Variants in KCNIP4 observed in about 807,000 individuals in gnomAD.
KCNIP4 encodes the protein Kv channel-interacting protein 4.
Under a neutral mutation model 34.0 loss-of-function variants are expected in KCNIP4, and 12 were observed. The ratio of observed to expected loss-of-function variants is 0.35; its 90% CI spans 0.23 to 0.57. The LOEUF (loss-of-function observed/expected upper bound fraction) is 0.57, where lower values mean the gene tolerates loss of function less well. KCNIP4 is among the 20% of genes least tolerant of loss of function. The pLI, the probability that KCNIP4 is intolerant of heterozygous loss-of-function variation, is 0.83. For missense variants in KCNIP4, 238 were observed against 311.7 expected (o/e 0.76, Z 1.78); for synonymous variants, 124 against 102.2 (o/e 1.21, Z -1.29).
chr4:20,789,934 T>C (rs1379268366), intron 3 of KCNIP4, among the ~76,000 whole-genome samples: 1 of 152,120 alleles, frequency 6.6e-6, no homozygotes, highest in African/African-American at 2.4e-5. Context: ...CGGGGTGCTA[T>C]TATAACTAAA....
chr4:21,184,416 A>T (rs1184128964), intron 1 of KCNIP4, among the ~76,000 whole-genome samples: 1 of 152,216 alleles, frequency 6.6e-6, no homozygotes, highest in African/African-American at 2.4e-5. Flanking sequence ...CAATACTTGA[A>T]TAAATGTTTT....
intron 1 of KCNIP4, among the ~76,000 whole-genome samples, chr4:21,219,731 T>G (rs1048172360): frequency 1.3e-5 from 2 of 152,026 alleles, no homozygotes; most frequent in African/African-American, 4.8e-5. Context: ...AGTGGGAAGG[T>G]GTTTGGTGGA....
Position 20,730,037 on chromosome 4 carries a change from G to GA in KCNIP4, c.*44dup, listed in dbSNP as rs745686674. On this transcript the variant is annotated 3_prime_UTR_variant, in exon 9 of 9. Coordinates refer to ENST00000382152, the MANE Select transcript of KCNIP4 (RefSeq NM_025221.6). ...GGTAGCTCCAACTTTAAGGGTGGTA[G>GA]AATAGTTCACATTTGTCTGTTGGAT... is the stretch of plus-strand genomic sequence containing the variant. 1.9e-6 allele frequency: 3 copies of GA among 1,585,486 alleles called. No homozygotes were observed. The East Asian group carries it at 6.8e-5, about 36-fold the overall frequency.
At chr4:21,928,735 T>G (rs1729403184) in intron 1 of KCNIP4, among the ~76,000 whole-genome samples, 1 of 152,066 alleles carries the variant, frequency 6.6e-6, no homozygotes, top group Admixed American at 6.6e-5. Context: ...TCTCAAATCC[T>G]AATCCCCCTT....
intron 1 of KCNIP4, among the ~76,000 whole-genome samples, chr4:21,451,612 G>A (rs1031648378): frequency 6.6e-6 from 1 of 152,102 alleles, no homozygotes; most frequent in Non-Finnish European, 1.5e-5. Flanking sequence ...GGTAACTGCT[G>A]TTTTTGTAGA....
intron 1 of KCNIP4, among the ~76,000 whole-genome samples, chr4:21,762,190 G>A (rs1469510273): frequency 2.0e-5 from 3 of 151,878 alleles, no homozygotes; most frequent in African/African-American, 7.2e-5. Flanking sequence ...AAAGAAACAG[G>A]TGAAATTAAA....
chr4:20,881,584 G>T (rs931862934), intron 2 of KCNIP4, among the ~76,000 whole-genome samples: 1 of 151,724 alleles, frequency 6.6e-6, no homozygotes, highest in Non-Finnish European at 1.5e-5. Context: ...AAGTTATATA[G>T]CATCTTTATA....
intron 1 of KCNIP4, among the ~76,000 whole-genome samples, chr4:21,505,231 C>T (rs929086934): frequency 6.6e-6 from 1 of 151,600 alleles, no homozygotes; most frequent in Admixed American, 6.6e-5. Flanking sequence ...GATTTTTCCC[C>T]CCATTGGATT....
intron 1 of KCNIP4, among the ~76,000 whole-genome samples, chr4:21,236,008 G>T (rs1759329892): frequency 6.6e-6 from 1 of 152,094 alleles, no homozygotes; most frequent in South Asian, 2.1e-4. Context: ...AAAAATAAAT[G>T]GCCTTGCTGG....
intron 1 of KCNIP4, among the ~76,000 whole-genome samples, chr4:20,969,787 T>A (rs79766102): frequency 7.8e-6 from 1 of 128,534 alleles, no homozygotes; most frequent in Admixed American, 8.0e-5. Flanking sequence ...TAGGTATTAA[T>A]TTATGAAAAA....
chr4:21,627,933 C>T (rs1011366522), intron 1 of KCNIP4, among the ~76,000 whole-genome samples: 6 of 151,948 alleles, frequency 3.9e-5, no homozygotes, highest in Admixed American at 2.0e-4. Context: ...AATTATGCAA[C>T]GAATGGAATT....
At chr4:21,859,012 T>C (rs1389228665) in intron 1 of KCNIP4, among the ~76,000 whole-genome samples, 1 of 152,174 alleles carries the variant, frequency 6.6e-6, no homozygotes, top group Non-Finnish European at 1.5e-5. Flanking sequence ...TATAGGATTA[T>C]CCAACCCTCA....
chr4:21,130,611 A>C (rs987317062), intron 1 of KCNIP4, among the ~76,000 whole-genome samples: 5 of 152,188 alleles, frequency 3.3e-5, no homozygotes. Context: ...TGTAGGAGCT[A>C]TTTAAAAATA....
intron 1 of KCNIP4, among the ~76,000 whole-genome samples, chr4:21,649,413 G>T (rs1179337650): frequency 6.6e-6 from 1 of 152,066 alleles, no homozygotes; most frequent in African/African-American, 2.4e-5. Flanking sequence ...CTATAAGAAA[G>T]AGATAAAAAT....
chr4:21,644,209 A>G (rs999269651), intron 1 of KCNIP4, among the ~76,000 whole-genome samples: 2 of 152,118 alleles, frequency 1.3e-5, no homozygotes, highest in African/African-American at 4.8e-5. Flanking sequence ...TTTGGATTCT[A>G]CAATTGTAAA....
intron 1 of KCNIP4, among the ~76,000 whole-genome samples, chr4:21,750,389 G>A (rs559822977): frequency 1.5e-3 from 222 of 152,166 alleles, no homozygotes; most frequent in African/African-American, 5.1e-3. Context: ...TAAAGTCTAC[G>A]GTAAGAACAC....
chr4:21,780,238 G>A (rs1309092163), intron 1 of KCNIP4, among the ~76,000 whole-genome samples: 1 of 152,178 alleles, frequency 6.6e-6, no homozygotes, highest in Non-Finnish European at 1.5e-5. Context: ...TGTCACCTGA[G>A]CTTTGCAGGC....
At chr4:21,193,762 G>A (rs1334946072) in intron 1 of KCNIP4, among the ~76,000 whole-genome samples, 9 of 151,768 alleles carry the variant, frequency 5.9e-5, no homozygotes, top group African/African-American at 1.9e-4. Flanking sequence ...TAGTAGAGAC[G>A]GGGTTTCACC....
chr4:21,766,059 G>A (rs1450862815), intron 1 of KCNIP4, among the ~76,000 whole-genome samples: 1 of 152,084 alleles, frequency 6.6e-6, no homozygotes, highest in African/African-American at 2.4e-5. Flanking sequence ...TAAAACACCT[G>A]ATTAACGCTC....
Sources: gnomAD v4.1 joint callset for allele counts (sites outside exome capture counted in the v4.1 genomes callset) on GRCh38, gnomAD v4.1.1 for gene constraint, MANE v1.5 for transcripts, NCBI Gene and HGNC (gene_info 2026-07-23, HGNC 2026-07-21) for gene names.